The following ABCC4 variants were observed in gnomAD, a reference collection of about 807,000 sequenced individuals.
ABCC4 encodes ATP-binding cassette sub-family C member 4.
ABCC4 carries 102 observed loss-of-function variants against 168.5 expected under a neutral mutation model. That is an observed-to-expected ratio of 0.61 (90% CI 0.52 to 0.71). ABCC4 has a LOEUF of 0.71. ABCC4 is among the 30% of genes least tolerant of loss of function. The pLI is 0.00. For synonymous variants in ABCC4, 617 were observed against 590.7 expected (o/e 1.04, Z -0.65); for missense variants, 1,402 against 1,605.8 (o/e 0.87, Z 2.17).
chr13:95,272,402 T>G (rs1214508344), intron 1 of ABCC4, among the ~76,000 whole-genome samples: 1 of 152,140 alleles, frequency 6.6e-6, no homozygotes, highest in Non-Finnish European at 1.5e-5. Context: ...GCAATCTAAT[T>G]TATACTGTTC....
At chr13:95,281,922 C>T (rs546761187) in intron 1 of ABCC4, among the ~76,000 whole-genome samples, 173 of 152,248 alleles carry the variant, frequency 1.1e-3, no homozygotes, top group Non-Finnish European at 1.9e-3. Flanking sequence ...GGCTGGCCAA[C>T]ATGGCAAAAC....
chr13:95,237,093 A>G (rs2039795189), intron 3 of ABCC4, among the ~76,000 whole-genome samples: 1 of 152,202 alleles, frequency 6.6e-6, no homozygotes. Context: ...GGTGAGTATG[A>G]TTCAAACGGC....
intron 29 of ABCC4, among the ~76,000 whole-genome samples, chr13:95,038,713 G>A (rs1051571357): frequency 2.0e-5 from 3 of 152,172 alleles, no homozygotes; most frequent in Admixed American, 6.5e-5. Context: ...CATGACGTGT[G>A]AGCAGGCACC....
intron 1 of ABCC4, among the ~76,000 whole-genome samples, chr13:95,253,341 T>TC (rs2040314062): frequency 6.6e-6 from 1 of 151,992 alleles, no homozygotes; most frequent in African/African-American, 2.4e-5. Flanking sequence ...AATCATGTTT[T>TC]CCCCCCAGAG....
intron 19 of ABCC4, among the ~76,000 whole-genome samples, chr13:95,132,658 CAGTT>C (rs763921434): frequency 2.1e-4 from 32 of 152,092 alleles, no homozygotes; most frequent in South Asian, 1.5e-3. Context: ...TTTCCATTCT[CAGTT>C]GGTTGAATCT....
chr13:95,125,563 A>G (rs1374289250), intron 19 of ABCC4, among the ~76,000 whole-genome samples: 5 of 152,168 alleles, frequency 3.3e-5, no homozygotes, highest in Non-Finnish European at 7.3e-5. Flanking sequence ...ATGAATGAGG[A>G]CATGCAGCCT....
intron 3 of ABCC4, among the ~76,000 whole-genome samples, chr13:95,237,579 G>A (rs1277122949): frequency 6.6e-6 from 1 of 152,064 alleles, no homozygotes; most frequent in Non-Finnish European, 1.5e-5. Flanking sequence ...CATACTTCAG[G>A]TTCTACTGGA....
chr13:95,095,541 A>G (rs541408707), intron 20 of ABCC4, among the ~76,000 whole-genome samples: 1 of 152,206 alleles, frequency 6.6e-6, no homozygotes, highest in African/African-American at 2.4e-5. Flanking sequence ...GTTTAGGGGG[A>G]AGAGTGGGAG....
rs117001892 is a variant in ABCC4 at position 95,292,450 on chromosome 13, C to T, written c.74+8791G>A. Among the ~76,000 whole-genome samples, 99 of 152,112 alleles carry T rather than the reference C, an allele frequency of 6.5e-4. 2 individuals carry two copies. The East Asian group carries it at 0.019, about 29-fold the overall frequency. On this transcript the variant is annotated intron_variant, in intron 1 of 30. Coordinates refer to ENST00000645237, the MANE Select transcript of ABCC4 (RefSeq NM_005845.5). ...GAAGGGAGGTAGCCAACTTGCTCTG[C>T]GTGTTGACAAAAAAACAAAGGAGAG...
intron 3 of ABCC4, among the ~76,000 whole-genome samples, chr13:95,240,736 C>T (rs561900642): frequency 1.3e-5 from 2 of 150,456 alleles, no homozygotes; most frequent in South Asian, 2.1e-4. Flanking sequence ...TTTGGGAGGC[C>T]GAGGCAGACG....
At chr13:95,075,938 GT>G (rs1407741071) in intron 21 of ABCC4, among the ~76,000 whole-genome samples, 7 of 152,110 alleles carry the variant, frequency 4.6e-5, no homozygotes, top group Non-Finnish European at 1.0e-4. Context: ...ACAATTCTCT[GT>G]TAAGAGTACT....
intron 26 of ABCC4, 116 bp downstream of exon 26, chr13:95,062,588 T>C (rs2033340852): frequency 8.4e-6 from 8 of 947,802 alleles, no homozygotes; most frequent in Non-Finnish European, 1.1e-5. Flanking sequence ...ACATGCTCTA[T>C]TGGGTGAAAA....
chr13:95,230,913 A>T (rs1408928135), intron 4 of ABCC4, among the ~76,000 whole-genome samples: 1 of 152,270 alleles, frequency 6.6e-6, no homozygotes, highest in Non-Finnish European at 1.5e-5. Context: ...GATAAACAAA[A>T]TGAGGCATAT....
intron 7 of ABCC4, 150 bp from the exon 8 acceptor site, chr13:95,206,931 T>A: frequency 1.2e-6 from 1 of 863,228 alleles, no homozygotes; most frequent in Non-Finnish European, 1.8e-6. Context: ...AACAAAAAAG[T>A]GCAAAGGTGA....
chr13:95,084,012 C>T (rs1412608727), intron 20 of ABCC4, among the ~76,000 whole-genome samples: 2 of 152,034 alleles, frequency 1.3e-5, no homozygotes, highest in African/African-American at 2.4e-5. Context: ...CAGCTATGCA[C>T]GGGATAAGGA....
chr13:95,255,726 G>T (rs1035115968), intron 1 of ABCC4, among the ~76,000 whole-genome samples: 2 of 152,118 alleles, frequency 1.3e-5, no homozygotes, highest in Admixed American at 6.5e-5. Flanking sequence ...CAGGCAATGT[G>T]GACCCTGTCC....
At chr13:95,156,547 GA>G (rs2036861039) in intron 19 of ABCC4, among the ~76,000 whole-genome samples, 1 of 152,204 alleles carries the variant, frequency 6.6e-6, no homozygotes, top group South Asian at 2.1e-4. Flanking sequence ...GATTGGAACA[GA>G]ACGGAAACAG....
At chr13:95,097,076 T>C (rs1378888662) in intron 20 of ABCC4, among the ~76,000 whole-genome samples, 2 of 152,136 alleles carry the variant, frequency 1.3e-5, no homozygotes, top group African/African-American at 2.4e-5. Context: ...AATTATATAA[T>C]AGTAAGATTA....
At chr13:95,104,407 T>C (rs1218959313) in intron 20 of ABCC4, among the ~76,000 whole-genome samples, 1 of 152,152 alleles carries the variant, frequency 6.6e-6, no homozygotes, top group South Asian at 2.1e-4. Flanking sequence ...AAAAAACATG[T>C]CCGGGTCTGA....
Sources: allele counts gnomAD v4.1 joint callset (sites outside exome capture counted in the v4.1 genomes callset), GRCh38; gene constraint gnomAD v4.1.1; transcripts MANE v1.5; gene names NCBI Gene and HGNC (gene_info 2026-07-23, HGNC 2026-07-21).